Variants in PLCB4 observed in about 807,000 individuals in gnomAD.
PLCB4 encodes 1-phosphatidylinositol 4,5-bisphosphate phosphodiesterase beta-4.
PLCB4 carries 77 observed loss-of-function variants against 178.8 expected under a neutral mutation model. That is an observed-to-expected ratio of 0.43 (90% CI 0.36 to 0.52). PLCB4 has a LOEUF of 0.52. Among genes scored for constraint, PLCB4 ranks in the 20% least tolerant of loss-of-function variants. The pLI is 0.00. For synonymous variants in PLCB4, 496 were observed against 490.8 expected (o/e 1.01, Z -0.14); for missense variants, 1,024 against 1,453.4 (o/e 0.70, Z 4.80).
At chr20:9,099,503 T>A (rs2091057978) in intron 2 of PLCB4, among the ~76,000 whole-genome samples, 1 of 152,188 alleles carries the variant, frequency 6.6e-6, no homozygotes, top group Admixed American at 6.5e-5. Flanking sequence ...GAGTTCATCA[T>A]TTACACCAGT....
intron 2 of PLCB4, among the ~76,000 whole-genome samples, chr20:9,211,411 G>C (rs1428048169): frequency 6.6e-6 from 1 of 152,214 alleles, no homozygotes; most frequent in East Asian, 1.9e-4. Context: ...TCACCTGAGA[G>C]CTTGAGCTTC....
intron 4 of PLCB4, among the ~76,000 whole-genome samples, chr20:9,313,398 C>G (rs1354165553): frequency 6.6e-6 from 1 of 152,104 alleles, no homozygotes; most frequent in East Asian, 1.9e-4. Flanking sequence ...AGTCCAGAGG[C>G]TTTATACTCT....
At chr20:9,302,734 A>G (rs529000864) in intron 3 of PLCB4, among the ~76,000 whole-genome samples, 1 of 152,294 alleles carries the variant, frequency 6.6e-6, no homozygotes, top group East Asian at 1.9e-4. Context: ...CAAGGTAGAG[A>G]TGAATATTTT....
intron 3 of PLCB4, among the ~76,000 whole-genome samples, chr20:9,247,588 T>G (rs2094138378): frequency 1.3e-5 from 2 of 152,260 alleles, no homozygotes; most frequent in African/African-American, 4.8e-5. Flanking sequence ...ATCCTTTCCC[T>G]GTTGGTACTA....
chr20:9,396,087 C>T (rs779735100), intron 19 of PLCB4, among the ~76,000 whole-genome samples: 123 of 152,300 alleles, frequency 8.1e-4, no homozygotes, highest in Non-Finnish European at 1.5e-3. Flanking sequence ...TTTTGCCAAA[C>T]ACTTCCCATT....
At chr20:9,134,160 A>G (rs2092334846) in intron 2 of PLCB4, among the ~76,000 whole-genome samples, 2 of 152,174 alleles carry the variant, frequency 1.3e-5, no homozygotes, top group South Asian at 2.1e-4. Context: ...TCCAGCCCCA[A>G]GAGCTATTGG....
rs761900932 is a variant in PLCB4, at chr20:9,408,733, A to T, written c.1874+16A>T. The T allele has an allele frequency of 7.4e-6, 10 of 1,357,770 alleles. No homozygotes were observed. Among genetic ancestry groups the T allele is most frequent in the Non-Finnish European group, 1.1e-5 (10 of 947,630 alleles). 84.1% of individuals were successfully genotyped at this position (1,357,770 alleles called of 1,614,324 possible). On this transcript the variant is annotated intron_variant, in intron 23 of 39. Transcript: ENST00000378473. The stretch of plus-strand genomic sequence containing the variant: ...AATTTGTCAAGTATCCTTATGTATC[A>T]AGTGGAATGAGTGGTTGACTCACGT...
chr20:9,214,906 AGTTTAT>A, intron 2 of PLCB4, among the ~76,000 whole-genome samples: 1 of 152,204 alleles, frequency 6.6e-6, no homozygotes, highest in African/African-American at 2.4e-5. Context: ...ACAATGAGGC[AGTTTAT>A]GTTAGATAGT....
At chr20:9,192,477 G>A (rs2093417280) in intron 2 of PLCB4, among the ~76,000 whole-genome samples, 1 of 151,056 alleles carries the variant, frequency 6.6e-6, no homozygotes, top group Non-Finnish European at 1.5e-5. Flanking sequence ...GGTCCTGCCT[G>A]TGTTTTGTGT....
chr20:9,424,315 A>G (rs1479731125), intron 28 of PLCB4, among the ~76,000 whole-genome samples: 1 of 152,180 alleles, frequency 6.6e-6, no homozygotes, highest in African/African-American at 2.4e-5. Context: ...TAGTATCGCT[A>G]AAAGATTTAA....
chr20:9,101,263 T>A (rs1382388947), intron 2 of PLCB4, among the ~76,000 whole-genome samples: 1 of 152,060 alleles, frequency 6.6e-6, no homozygotes, highest in Non-Finnish European at 1.5e-5. Flanking sequence ...GGACAAGGCG[T>A]CGAAACCCCA....
At chr20:9,453,082 T>C (rs2042862883) in intron 32 of PLCB4, among the ~76,000 whole-genome samples, 1 of 152,158 alleles carries the variant, frequency 6.6e-6, no homozygotes. Flanking sequence ...TTCGAGATGA[T>C]TGGCACTACC....
At chr20:9,074,588 T>G (rs1322622417) in intron 1 of PLCB4, among the ~76,000 whole-genome samples, 1 of 152,168 alleles carries the variant, frequency 6.6e-6, no homozygotes, top group African/African-American at 2.4e-5. Context: ...ACTCTGCAAG[T>G]ACAGAAAGTT....
At position 9,347,465 on chromosome 20, in the gene PLCB4, G is replaced by A. The variant is rs374794256; in HGVS notation, c.369+8428G>A. Among the ~76,000 whole-genome samples the A allele has an allele frequency of 2.0e-4, 30 of 152,266 alleles. No homozygotes were observed. The East Asian group carries it at 5.4e-3, about 27-fold the overall frequency. On this transcript the variant is annotated intron_variant, in intron 7 of 39. Transcript: ENST00000378473. ...TTAACACACTTGCACTAAAGTGAAT[G>A]CTAATATTGACTTATTGTGTTCACC...
At chr20:9,070,284 G>A (rs1252966914) in intron 1 of PLCB4, among the ~76,000 whole-genome samples, 1 of 152,172 alleles carries the variant, frequency 6.6e-6, no homozygotes, top group Non-Finnish European at 1.5e-5. Context: ...GAACAACTGT[G>A]TTTTTCAGAA....
intron 3 of PLCB4, among the ~76,000 whole-genome samples, chr20:9,281,619 A>C (rs2094495548): frequency 6.6e-6 from 1 of 151,996 alleles, no homozygotes; most frequent in Admixed American, 6.6e-5. Context: ...ATTACCTAAA[A>C]CTGCTAAAAC....
At chr20:9,346,158 C>T in intron 7 of PLCB4, among the ~76,000 whole-genome samples, 1 of 152,176 alleles carries the variant, frequency 6.6e-6, no homozygotes, top group East Asian at 1.9e-4. Context: ...TTTAATTATA[C>T]TGTATAGGCC....
chr20:9,252,377 C>G (rs2094190529), intron 3 of PLCB4, among the ~76,000 whole-genome samples: 1 of 152,118 alleles, frequency 6.6e-6, no homozygotes, highest in Non-Finnish European at 1.5e-5. Context: ...TCAAAATTTA[C>G]ATTTTATTTT....
chr20:9,250,586 C>G (rs1467057847), intron 3 of PLCB4, among the ~76,000 whole-genome samples: 6 of 152,224 alleles, frequency 3.9e-5, no homozygotes, highest in Admixed American at 3.9e-4. Flanking sequence ...TGTGTGAGCA[C>G]ATATTCTTAC....
Sources: gnomAD v4.1 joint callset for allele counts (sites outside exome capture counted in the v4.1 genomes callset) on GRCh38, gnomAD v4.1.1 for gene constraint, MANE v1.5 for transcripts, NCBI Gene and HGNC (gene_info 2026-07-23, HGNC 2026-07-21) for gene names.